Variants in CSMD1 observed in about 807,000 individuals in gnomAD.
CSMD1 encodes CUB and sushi domain-containing protein 1.
Under a neutral mutation model 417.5 loss-of-function variants are expected in CSMD1, and 213 were observed. That is an observed-to-expected ratio of 0.51 (90% CI 0.46 to 0.57). CSMD1 has a LOEUF of 0.57. Ranked by LOEUF, CSMD1 falls within the 20% of genes least tolerant of loss-of-function variation. The pLI, the probability that CSMD1 is intolerant of heterozygous loss-of-function variation, is 0.00. For synonymous variants in CSMD1, 2,862 were observed against 1,736.8 expected (o/e 1.65, Z -16.11); for missense variants, 6,923 against 4,529.7 (o/e 1.53, Z -15.17).
At chr8:3,858,036 A>G (rs1489414269) in intron 5 of CSMD1, among the ~76,000 whole-genome samples, 2 of 152,228 alleles carry the variant, frequency 1.3e-5, no homozygotes, top group Non-Finnish European at 2.9e-5. Flanking sequence ...TGGAAAAATT[A>G]GTGATTATGT....
At chr8:4,479,789 C>T (rs1023389792) in intron 2 of CSMD1, among the ~76,000 whole-genome samples, 2 of 151,390 alleles carry the variant, frequency 1.3e-5, no homozygotes, top group Non-Finnish European at 2.9e-5. Flanking sequence ...TTAGAGAAAC[C>T]CCGTTCTCTA....
intron 3 of CSMD1, among the ~76,000 whole-genome samples, chr8:4,224,047 G>A (rs1394481): frequency 0.41 from 62,302 of 151,926 alleles, 13,210 homozygotes; most frequent in South Asian, 0.61. Flanking sequence ...ACATGCATAC[G>A]TAACCCTACT....
intron 49 of CSMD1, among the ~76,000 whole-genome samples, chr8:3,056,806 A>G (rs1490401439): frequency 1.3e-5 from 2 of 151,986 alleles, no homozygotes; most frequent in African/African-American, 2.4e-5. Context: ...AAGTATTTCC[A>G]AAGTATTTAA....
intron 1 of CSMD1, among the ~76,000 whole-genome samples, chr8:4,757,462 T>C (rs908715010): frequency 2.6e-5 from 4 of 152,136 alleles, no homozygotes; most frequent in Admixed American, 6.6e-5. Flanking sequence ...AACTGACTTA[T>C]TCAACATCAA....
intron 3 of CSMD1, among the ~76,000 whole-genome samples, chr8:4,414,602 T>G (rs1585038713): frequency 1.3e-5 from 2 of 152,174 alleles, no homozygotes; most frequent in Non-Finnish European, 2.9e-5. Flanking sequence ...TCAGTGATTT[T>G]TTTTAAACTT....
At chr8:3,299,647 A>G (rs933689764) in intron 25 of CSMD1, among the ~76,000 whole-genome samples, 1 of 152,168 alleles carries the variant, frequency 6.6e-6, no homozygotes, top group African/African-American at 2.4e-5. Flanking sequence ...AGCCAAGAGA[A>G]AGCAGGAAAG....
intron 12 of CSMD1, among the ~76,000 whole-genome samples, chr8:3,435,444 AT>A (rs1451862335): frequency 2.0e-5 from 3 of 151,876 alleles, no homozygotes; most frequent in African/African-American, 7.3e-5. Context: ...TATTGAACAC[AT>A]CCCACTCTTA....
intron 23 of CSMD1, among the ~76,000 whole-genome samples, chr8:3,317,989 T>C (rs187355620): frequency 1.3e-5 from 2 of 152,274 alleles, no homozygotes; most frequent in East Asian, 3.9e-4. Context: ...ATTTGTATCT[T>C]TTGTAGAGAC....
chr8:2,987,682 C>A (rs1222653594), intron 54 of CSMD1, among the ~76,000 whole-genome samples: 2 of 152,168 alleles, frequency 1.3e-5, no homozygotes, highest in East Asian at 1.9e-4. Flanking sequence ...ATAAGAGGGG[C>A]CTTCCCTAAG....
At chr8:3,706,423 C>A (rs1006746406) in intron 7 of CSMD1, among the ~76,000 whole-genome samples, 2 of 152,182 alleles carry the variant, frequency 1.3e-5, no homozygotes, top group African/African-American at 2.4e-5. Flanking sequence ...CCATTGATTA[C>A]CTTCCTCATC....
At chr8:3,943,787 G>A (rs776956494) in intron 5 of CSMD1, among the ~76,000 whole-genome samples, 1 of 152,032 alleles carries the variant, frequency 6.6e-6, no homozygotes, top group African/African-American at 2.4e-5. Flanking sequence ...TTTAGGGACA[G>A]CCTGTAAAAT....
Position 4,583,336 on chromosome 8 carries a change from G to C in CSMD1, c.302+54006C>G, listed in dbSNP as rs373770498. 4.6e-4 allele frequency among the ~76,000 whole-genome samples: 70 copies of C among 152,076 alleles called. 1 individual carries two copies. In the East Asian group the frequency reaches 8.8e-3, roughly 19 times the overall value. On this transcript the variant is annotated intron_variant, in intron 2 of 69. Coordinates refer to ENST00000635120, the MANE Select transcript of CSMD1 (RefSeq NM_033225.6). The stretch of plus-strand genomic sequence containing the variant: ...GGAGAACCTTTATGTGTCTTCCTCA[G>C]GGATTGTAAATACACCAATCGGCAT...
At chr8:4,707,635 C>G (rs1808025237) in intron 1 of CSMD1, among the ~76,000 whole-genome samples, 1 of 151,844 alleles carries the variant, frequency 6.6e-6, no homozygotes, top group Non-Finnish European at 1.5e-5. Context: ...TCCTGTAATC[C>G]CAGCACTTTG....
chr8:4,617,749 A>G (rs374739147), intron 2 of CSMD1, among the ~76,000 whole-genome samples: 1 of 151,924 alleles, frequency 6.6e-6, no homozygotes, highest in Non-Finnish European at 1.5e-5. Context: ...TTAATTTCCT[A>G]TTTGGCATTC....
At chr8:3,443,075 C>G (rs575648832) in intron 12 of CSMD1, among the ~76,000 whole-genome samples, 3 of 152,272 alleles carry the variant, frequency 2.0e-5, no homozygotes, top group South Asian at 4.2e-4. Context: ...ATTATCAAAT[C>G]AAGGCCATGG....
At chr8:3,533,089 T>C (rs1328690173) in intron 10 of CSMD1, among the ~76,000 whole-genome samples, 2 of 152,184 alleles carry the variant, frequency 1.3e-5, no homozygotes, top group Non-Finnish European at 2.9e-5. Flanking sequence ...AATGTACCTT[T>C]CCATCACCAT....
chr8:3,575,330 C>A (rs548444288), intron 9 of CSMD1, among the ~76,000 whole-genome samples: 1 of 152,134 alleles, frequency 6.6e-6, no homozygotes. Flanking sequence ...AAGGATCTAA[C>A]AGATGACAGC....
intron 37 of CSMD1, among the ~76,000 whole-genome samples, chr8:3,169,252 G>A (rs1383384687): frequency 6.6e-6 from 1 of 152,164 alleles, no homozygotes; most frequent in Admixed American, 6.5e-5. Context: ...GAAACCAGAG[G>A]AGACAAGTTT....
intron 1 of CSMD1, among the ~76,000 whole-genome samples, chr8:4,766,057 A>C (rs1812441618): frequency 1.3e-5 from 2 of 152,220 alleles, no homozygotes. Flanking sequence ...ACTATGTGGA[A>C]ATCTAGCTAG....
Sources: allele counts gnomAD v4.1 joint callset (sites outside exome capture counted in the v4.1 genomes callset), GRCh38; gene constraint gnomAD v4.1.1; transcripts MANE v1.5; gene names NCBI Gene and HGNC (gene_info 2026-07-23, HGNC 2026-07-21).